Variants in NME7 observed in about 807,000 individuals in gnomAD.
NME7 encodes NME/NM23 family member 7, also known as nucleoside diphosphate kinase 7.
NME7 carries 41 observed loss-of-function variants against 49.1 expected under a neutral mutation model. The observed-to-expected ratio is 0.83, with a 90% CI of 0.65 to 1.08. NME7 has a LOEUF of 1.08. NME7 is among the 50% of genes least tolerant of loss of function. NME7 has a pLI of 0.00. For missense variants in NME7, 423 were observed against 463.4 expected (o/e 0.91, Z 0.80); for synonymous variants, 139 against 150.6 (o/e 0.92, Z 0.56).
rs775107562 is a variant in NME7 at position 169,280,788 on chromosome 1, G to A, written c.754+6515C>T. ...GTAGCTGTGTGGTGTTATTTCTGAG[G>A]CCTACATTCTGTTCCTTTTGTCTAC... On this transcript the variant is annotated intron_variant, in intron 7 of 11. Coordinates refer to ENST00000367811, the MANE Select transcript of NME7 (RefSeq NM_013330.5). Among the ~76,000 whole-genome samples, 33 of 147,646 alleles carry A rather than the reference G, an allele frequency of 2.2e-4. 1 individual carries two copies. Among genetic ancestry groups the A allele is most frequent in the South Asian group, 2.0e-3 (9 of 4,530 alleles).
chr1:169,187,215 G>A (rs1429363818), intron 10 of NME7, among the ~76,000 whole-genome samples: 2 of 151,630 alleles, frequency 1.3e-5, no homozygotes, highest in East Asian at 3.9e-4. Flanking sequence ...TGTGGGTGCT[G>A]AGAAGAATGA....
At chr1:169,346,154 C>T (rs928171291) in intron 1 of NME7, among the ~76,000 whole-genome samples, 3 of 152,160 alleles carry the variant, frequency 2.0e-5, no homozygotes, top group African/African-American at 7.2e-5. Flanking sequence ...CATCTTTGCC[C>T]CCTACAGCTT....
At chr1:169,345,343 T>C (rs1652918290) in intron 1 of NME7, among the ~76,000 whole-genome samples, 1 of 152,148 alleles carries the variant, frequency 6.6e-6, no homozygotes, top group African/African-American at 2.4e-5. Context: ...TTATCTCCTT[T>C]CTTTTCTATT....
At chr1:169,226,609 C>T (rs574463396) in intron 10 of NME7, among the ~76,000 whole-genome samples, 5 of 152,296 alleles carry the variant, frequency 3.3e-5, no homozygotes, top group African/African-American at 1.2e-4. Flanking sequence ...CAGAATGTAA[C>T]TCAGGAGTCT....
chr1:169,138,404 A>C (rs1658492979), intron 11 of NME7, among the ~76,000 whole-genome samples: 1 of 151,672 alleles, frequency 6.6e-6, no homozygotes, highest in Non-Finnish European at 1.5e-5. Context: ...CAATGTCTTC[A>C]GAGTTCTCTT....
intron 9 of NME7, among the ~76,000 whole-genome samples, chr1:169,234,180 C>G (rs1647759427): frequency 6.6e-6 from 1 of 152,022 alleles, no homozygotes; most frequent in Admixed American, 6.5e-5. Context: ...ATTTTTTAAA[C>G]AAAAAAACAA....
intron 11 of NME7, among the ~76,000 whole-genome samples, chr1:169,152,877 C>A (rs1326662951): frequency 1.3e-5 from 2 of 152,122 alleles, no homozygotes; most frequent in Non-Finnish European, 2.9e-5. Context: ...TTCCAGTTTT[C>A]TAGAGCCTAA....
intron 7 of NME7, among the ~76,000 whole-genome samples, chr1:169,241,542 A>T (rs1321435828): frequency 6.6e-6 from 1 of 152,024 alleles, no homozygotes; most frequent in Non-Finnish European, 1.5e-5. Context: ...CAATATGAAA[A>T]GAAATTTATA....
chr1:169,168,959 G>T, intron 11 of NME7: 1 of 446,062 alleles, frequency 2.2e-6, no homozygotes, highest in Non-Finnish European at 4.5e-6. Context: ...TTGTTCAAGG[G>T]TCAACTGTAT....
chr1:169,202,021 C>G (rs1237312364), intron 10 of NME7, among the ~76,000 whole-genome samples: 3 of 152,132 alleles, frequency 2.0e-5, no homozygotes, highest in Non-Finnish European at 2.9e-5. Flanking sequence ...CTGGCAGCAG[C>G]AGCAGCAACA....
chr1:169,275,284 A>G lies in NME7; in HGVS notation c.754+12019T>C, dbSNP rs1311375656. Among the ~76,000 whole-genome samples the G allele has an allele frequency of 5.7e-4, 74 of 129,764 alleles. 8 individuals are homozygous for G. The highest frequency in any genetic ancestry group is 1.8e-3 in the African/African-American group (71 of 38,576). The allele number at this position is 129,764 out of a possible 152,430, so 85.1% of individuals were successfully genotyped here. On this transcript the variant is annotated intron_variant, in intron 7 of 11. Coordinates refer to ENST00000367811, the MANE Select transcript of NME7 (RefSeq NM_013330.5). ...CTCTCTGTTTGTCTGTTATTGGTGT[A>G]TAAGAACACGGTGAAACCCCGTCTC...
At chr1:169,165,910 G>T (rs78015782) in intron 11 of NME7, among the ~76,000 whole-genome samples, 1,705 of 152,216 alleles carry the variant, frequency 0.011, 39 homozygotes, top group African/African-American at 0.039. Context: ...CATATAAGAG[G>T]AAGCTACTGA....
At chr1:169,364,781 C>A (rs1653787106) in intron 1 of NME7, among the ~76,000 whole-genome samples, 1 of 152,142 alleles carries the variant, frequency 6.6e-6, no homozygotes. Context: ...GTAATAGTCC[C>A]TTCCAAAACT....
intron 10 of NME7, among the ~76,000 whole-genome samples, chr1:169,173,762 A>G (rs1659671185): frequency 6.6e-6 from 1 of 152,318 alleles, no homozygotes; most frequent in East Asian, 1.9e-4. Flanking sequence ...CTTGCTGCTT[A>G]AACTCTGGTG....
At chr1:169,136,511 A>G (rs1035937805) in intron 11 of NME7, among the ~76,000 whole-genome samples, 4 of 152,144 alleles carry the variant, frequency 2.6e-5, no homozygotes, top group African/African-American at 7.2e-5. Context: ...GGGTAGAGGT[A>G]GGGGGTCACA....
chr1:169,258,375 C>CATATATATAT lies in NME7; in HGVS notation c.755-20698_755-20689dup, dbSNP rs71121749. Among the ~76,000 whole-genome samples the CATATATATAT allele has an allele frequency of 1.9e-3, 162 of 86,746 alleles. 3 individuals are homozygous for CATATATATAT. The highest frequency in any genetic ancestry group is 5.5e-3 in the African/African-American group (134 of 24,224). The allele number at this position is 86,746 out of a possible 152,430, so 56.9% of individuals were successfully genotyped here. A position where few individuals can be genotyped will look rare whatever the true frequency, so the allele number is the denominator to read the frequency against. On this transcript the variant is annotated intron_variant, in intron 7 of 11. Transcript: ENST00000367811. ...AAAAATAAAATAAAATAAAATAAAA[C>CATATATATAT]ATATATATATATATATATATATATA...
chr1:169,201,446 T>C (rs553492950), intron 10 of NME7, among the ~76,000 whole-genome samples: 43 of 152,204 alleles, frequency 2.8e-4, no homozygotes, highest in African/African-American at 9.6e-4. Context: ...GTGAAGTAAT[T>C]CTGAAGGTAT....
At chr1:169,360,481 A>C (rs1180115854) in intron 1 of NME7, among the ~76,000 whole-genome samples, 1 of 152,196 alleles carries the variant, frequency 6.6e-6, no homozygotes, top group African/African-American at 2.4e-5. Context: ...ATTTAGAATA[A>C]AATCCAAAAT....
intron 7 of NME7, among the ~76,000 whole-genome samples, chr1:169,255,924 G>T (rs1433987021): frequency 2.3e-5 from 3 of 133,292 alleles, no homozygotes; most frequent in African/African-American, 7.6e-5. Context: ...GGTTTCTGCC[G>T]AGAGATCCAC....
Sources: allele counts gnomAD v4.1 joint callset (sites outside exome capture counted in the v4.1 genomes callset), GRCh38; gene constraint gnomAD v4.1.1; transcripts MANE v1.5; gene names NCBI Gene and HGNC (gene_info 2026-07-23, HGNC 2026-07-21).